Variants in KCNIP4 observed in about 807,000 individuals in gnomAD.
KCNIP4 encodes the protein Kv channel-interacting protein 4.
In KCNIP4, 12 loss-of-function variants were observed where a neutral mutation model predicts 34.0. The observed-to-expected ratio is 0.35, with a 90% CI of 0.23 to 0.57. KCNIP4 has a LOEUF of 0.57. KCNIP4 is among the 20% of genes least tolerant of loss of function. KCNIP4 has a pLI of 0.83. For missense variants in KCNIP4, 238 were observed against 311.7 expected (o/e 0.76, Z 1.78); for synonymous variants, 124 against 102.2 (o/e 1.21, Z -1.29).
intron 1 of KCNIP4, among the ~76,000 whole-genome samples, chr4:21,458,076 C>G (rs976621585): frequency 9.3e-5 from 14 of 151,280 alleles, no homozygotes; most frequent in African/African-American, 3.4e-4. Context: ...ATGTGCCATG[C>G]TGGTGCGCTG....
At chr4:21,690,613 G>A (rs1711529960) in intron 1 of KCNIP4, among the ~76,000 whole-genome samples, 1 of 152,132 alleles carries the variant, frequency 6.6e-6, no homozygotes. Context: ...AGAAGATACT[G>A]GTGCAATACT....
At chr4:21,828,367 T>C (rs1299773782) in intron 1 of KCNIP4, among the ~76,000 whole-genome samples, 1 of 151,794 alleles carries the variant, frequency 6.6e-6, no homozygotes, top group African/African-American at 2.4e-5. Flanking sequence ...CTGAAGGTAG[T>C]GTAAGAAGGT....
intron 1 of KCNIP4, among the ~76,000 whole-genome samples, chr4:21,686,673 T>G (rs1328278971): frequency 6.6e-6 from 1 of 152,170 alleles, no homozygotes; most frequent in Non-Finnish European, 1.5e-5. Flanking sequence ...TCCAAAGCTC[T>G]CAATCATCTA....
intron 1 of KCNIP4, among the ~76,000 whole-genome samples, chr4:21,529,947 T>C (rs1736534113): frequency 6.6e-6 from 1 of 152,174 alleles, no homozygotes; most frequent in Non-Finnish European, 1.5e-5. Flanking sequence ...CGAGGAACTC[T>C]GAAGACTTTT....
At chr4:21,250,120 C>CTTTCTTT (rs538502763) in intron 1 of KCNIP4, among the ~76,000 whole-genome samples, 8 of 143,364 alleles carry the variant, frequency 5.6e-5, no homozygotes, top group African/African-American at 2.0e-4. Flanking sequence ...TCATTTCTTT[C>CTTTCTTT]TTTTTTTTTT....
intron 1 of KCNIP4, among the ~76,000 whole-genome samples, chr4:21,566,239 G>A (rs755976798): frequency 2.0e-5 from 3 of 152,146 alleles, no homozygotes; most frequent in Admixed American, 6.5e-5. Context: ...GTGGCAAGAG[G>A]CCAGTCAGGA....
chr4:20,985,400 A>C (rs1240902077), intron 1 of KCNIP4, among the ~76,000 whole-genome samples: 2 of 152,162 alleles, frequency 1.3e-5, no homozygotes, highest in African/African-American at 4.8e-5. Context: ...TTATCCCTAC[A>C]TCTCTACGTG....
intron 1 of KCNIP4, among the ~76,000 whole-genome samples, chr4:21,383,547 A>G (rs1450697976): frequency 6.6e-6 from 1 of 151,512 alleles, no homozygotes; most frequent in African/African-American, 2.4e-5. Flanking sequence ...AAAAGAATGC[A>G]TGCAATTACT....
At chr4:20,857,595 G>C (rs1427533030) in intron 2 of KCNIP4, among the ~76,000 whole-genome samples, 1 of 151,978 alleles carries the variant, frequency 6.6e-6, no homozygotes, top group Non-Finnish European at 1.5e-5. Context: ...GCATATATAT[G>C]GGTTTCCATA....
At chr4:20,972,730 C>T (rs1395727399) in intron 1 of KCNIP4, among the ~76,000 whole-genome samples, 1 of 152,072 alleles carries the variant, frequency 6.6e-6, no homozygotes, top group African/African-American at 2.4e-5. Flanking sequence ...GCTTCCACAG[C>T]ATGGAAAGGG....
intron 1 of KCNIP4, among the ~76,000 whole-genome samples, chr4:21,076,732 T>C (rs866921212): frequency 4.4e-4 from 67 of 152,176 alleles, no homozygotes; most frequent in African/African-American, 1.4e-3. Flanking sequence ...GTGTGAGCAG[T>C]AGTGGTGCAT....
intron 1 of KCNIP4, among the ~76,000 whole-genome samples, chr4:21,411,742 G>A (rs1724527703): frequency 6.6e-6 from 1 of 152,164 alleles, no homozygotes; most frequent in Non-Finnish European, 1.5e-5. Flanking sequence ...GGGGGCCAAA[G>A]TGGGAGGATC....
chr4:21,085,913 T>A (rs1160657807), intron 1 of KCNIP4, among the ~76,000 whole-genome samples: 1 of 152,226 alleles, frequency 6.6e-6, no homozygotes. Context: ...TTAACTCCAC[T>A]GCATTTCCAG....
intron 1 of KCNIP4, among the ~76,000 whole-genome samples, chr4:21,681,767 C>A (rs534229207): frequency 7.0e-4 from 106 of 152,274 alleles, no homozygotes; most frequent in African/African-American, 2.4e-3. Context: ...GCATCTGCTT[C>A]TGGGGAGGCC....
chr4:21,046,719 G>A (rs537210056), intron 1 of KCNIP4, among the ~76,000 whole-genome samples: 1 of 152,206 alleles, frequency 6.6e-6, no homozygotes, highest in East Asian at 1.9e-4. Context: ...GGCCCTGCAA[G>A]TAGCTGGGAT....
At chr4:21,309,125 G>T (rs1043480890) in intron 1 of KCNIP4, among the ~76,000 whole-genome samples, 1 of 152,134 alleles carries the variant, frequency 6.6e-6, no homozygotes, top group African/African-American at 2.4e-5. Context: ...TGAAAGATTA[G>T]TTTGCCCTTT....
intron 1 of KCNIP4, among the ~76,000 whole-genome samples, chr4:21,322,152 AGAAGGAAGGAAGGAAG>A (rs200900508): frequency 4.4e-5 from 6 of 136,682 alleles, no homozygotes; most frequent in African/African-American, 8.3e-5. Context: ...AGGGAGGGAC[AGAAGGAAGGAAGGAAG>A]GAAGGAAGGA....
At chr4:21,682,795 A>G (rs559245324) in intron 1 of KCNIP4, among the ~76,000 whole-genome samples, 3 of 152,324 alleles carry the variant, frequency 2.0e-5, no homozygotes, top group African/African-American at 7.2e-5. Context: ...ATAGCTGGTC[A>G]GTGTAGCAGT....
chr4:21,571,555 G>C (rs1257220962), intron 1 of KCNIP4, among the ~76,000 whole-genome samples: 1 of 152,140 alleles, frequency 6.6e-6, no homozygotes, highest in East Asian at 1.9e-4. Context: ...TCTTGCCAAG[G>C]TATTATGCAA....
Sources: allele counts gnomAD v4.1 joint callset (sites outside exome capture counted in the v4.1 genomes callset), GRCh38; gene constraint gnomAD v4.1.1; transcripts MANE v1.5; gene names NCBI Gene and HGNC (gene_info 2026-07-23, HGNC 2026-07-21).